The following ULK4 variants were observed in gnomAD, a reference collection of about 807,000 sequenced individuals.
The protein encoded by ULK4 is unc-51 like kinase 4, also known as inactive serine/threonine-protein kinase ULK4.
In ULK4, 133 loss-of-function variants were observed where a neutral mutation model predicts 160.6. The observed-to-expected ratio is 0.83, with a 90% confidence interval of 0.72 to 0.96. The LOEUF is 0.96. Among genes scored for constraint, ULK4 ranks in the 40% least tolerant of loss-of-function variants. The pLI is 0.00. For missense variants in ULK4, 1,580 were observed against 1,499.5 expected (o/e 1.05, Z -0.89); for synonymous variants, 534 against 539.8 (o/e 0.99, Z 0.15).
intron 22 of ULK4, among the ~76,000 whole-genome samples, chr3:41,726,347 C>T (rs946172803): frequency 1.3e-5 from 2 of 152,212 alleles, no homozygotes; most frequent in Admixed American, 1.3e-4. Flanking sequence ...CTCCCCATTA[C>T]AAGATGTGTT....
intron 30 of ULK4, among the ~76,000 whole-genome samples, chr3:41,640,413 T>C (rs1233712678): frequency 6.6e-6 from 1 of 152,090 alleles, no homozygotes; most frequent in African/African-American, 2.4e-5. Flanking sequence ...GGTATTTGAG[T>C]GCTACTGTTT....
At chr3:41,426,161 C>T (rs2082771400) in intron 34 of ULK4, among the ~76,000 whole-genome samples, 1 of 152,008 alleles carries the variant, frequency 6.6e-6, no homozygotes, top group South Asian at 2.1e-4. Flanking sequence ...TTTAAACCAA[C>T]AAAGATCAAA....
Position 41,345,395 on chromosome 3 carries a change from C to T in ULK4, c.3678+52684G>A, listed in dbSNP as rs2080778404. Reference sequence around the variant, plus strand: ...AACCTAAATACTCAACAATGATAGACTGGATAAAGAAAATGTGGTACATAT... The same window carrying T: ...AACCTAAATACTCAACAATGATAGATTGGATAAAGAAAATGTGGTACATAT... On this transcript the variant is annotated intron_variant, in intron 35 of 36. Transcript: ENST00000301831. 2.6e-5 allele frequency among the ~76,000 whole-genome samples: 4 copies of T among 152,150 alleles called. No individual in the cohort carries two copies. The South Asian group carries it at 8.3e-4, about 32-fold the overall frequency.
chr3:41,744,044 T>G (rs1559522321), intron 22 of ULK4, among the ~76,000 whole-genome samples: 1 of 151,910 alleles, frequency 6.6e-6, no homozygotes, highest in South Asian at 2.1e-4. Flanking sequence ...TGTATGTATA[T>G]TGCAACAACT....
In ULK4 at chr3:41,678,017, G is replaced by C. The variant is rs76580592; in HGVS notation, c.2978+3491C>G. 7.4e-3 allele frequency among the ~76,000 whole-genome samples: 1,130 copies of C among 152,260 alleles called. 10 individuals carry two copies. The highest frequency in any genetic ancestry group is 0.025 in the African/African-American group (1,023 of 41,562). On this transcript the variant is annotated intron_variant, in intron 29 of 36. Coordinates refer to ENST00000301831, the MANE Select transcript of ULK4 (RefSeq NM_017886.4). The stretch of plus-strand genomic sequence containing the variant: ...AGGTCTTTGCCTTTGAACTGGAACA[G>C]AAACACTGGCTCTTCTTCAGTCTCA...
At chr3:41,415,882 A>G (rs2082515577) in intron 34 of ULK4, among the ~76,000 whole-genome samples, 1 of 152,226 alleles carries the variant, frequency 6.6e-6, no homozygotes, top group African/African-American at 2.4e-5. Flanking sequence ...TGTGTCAGTG[A>G]AAAGACCCCA....
At chr3:41,455,662 G>A in intron 33 of ULK4, 67 bp from the exon 34 acceptor site, 12 of 1,468,136 alleles carry the variant, frequency 8.2e-6, no homozygotes, top group Non-Finnish European at 1.1e-5. Flanking sequence ...AAGGAAACAG[G>A]ACCACTCCAT....
At chr3:41,786,372 C>T (rs544245451) in intron 21 of ULK4, among the ~76,000 whole-genome samples, 4 of 152,094 alleles carry the variant, frequency 2.6e-5, no homozygotes, top group South Asian at 2.1e-4. Flanking sequence ...GAGGCTGCGA[C>T]GGGGGATCAC....
chr3:41,938,141 A>G lies in ULK4; in HGVS notation c.195T>C (p.Tyr65=), dbSNP rs748672884. The G allele has an allele frequency of 1.3e-5, 21 of 1,613,566 alleles. No individual in the cohort carries two copies. In the South Asian group the frequency reaches 1.9e-4, roughly 14 times the overall value. Residue 65 remains tyrosine (Y), a synonymous_variant, in exon 3 of 37, where the codon TAT becomes TAC. Transcript: ENST00000301831. ...CTAGCCAGAGGTGGTTGCTTGTTTC[A>G]TACCATTCATGAAAAGTTACAATAT... ...HKNIVTFHEW[Y]ETSNHLWLVV...
intron 35 of ULK4, among the ~76,000 whole-genome samples, chr3:41,288,838 C>A (rs1454072479): frequency 6.6e-6 from 1 of 152,180 alleles, no homozygotes; most frequent in Non-Finnish European, 1.5e-5. Flanking sequence ...AGGAAAAACC[C>A]TCCTTGAAGT....
intron 30 of ULK4, among the ~76,000 whole-genome samples, chr3:41,644,729 CCTCTTT>C (rs1390409791): frequency 1.3e-5 from 2 of 150,406 alleles, no homozygotes; most frequent in Admixed American, 1.3e-4. Flanking sequence ...GGGAGGATTC[CCTCTTT>C]TTCTATTGAT....
chr3:41,949,907 T>C (rs931440082), intron 2 of ULK4, among the ~76,000 whole-genome samples: 4 of 151,624 alleles, frequency 2.6e-5, no homozygotes, highest in African/African-American at 9.7e-5. Context: ...GGCTAATTTT[T>C]CTATTTTTTC....
At position 41,799,088 on chromosome 3, in the gene ULK4, T is replaced by C. The variant is rs541420626; in HGVS notation, c.2010+1044A>G. 5.9e-5 allele frequency among the ~76,000 whole-genome samples: 9 copies of C among 152,098 alleles called. No homozygotes were observed. In the South Asian group the frequency reaches 1.9e-3, roughly 32 times the overall value. ...GAAAGTCATGAGTGAGGATACGTGA[T>C]GAAAATGAGGGGTTGAGGGCATAAG... On this transcript the variant is annotated intron_variant, in intron 20 of 36. Coordinates refer to ENST00000301831, the MANE Select transcript of ULK4 (RefSeq NM_017886.4).
intron 31 of ULK4, among the ~76,000 whole-genome samples, chr3:41,609,601 C>T (rs1349003577): frequency 2.0e-5 from 3 of 152,166 alleles, no homozygotes; most frequent in Non-Finnish European, 2.9e-5. Context: ...GTAGATTTAT[C>T]GCCTGCATTC....
intron 35 of ULK4, among the ~76,000 whole-genome samples, chr3:41,296,563 G>T (rs2079672218): frequency 6.6e-6 from 1 of 152,172 alleles, no homozygotes; most frequent in African/African-American, 2.4e-5. Flanking sequence ...AGGCTGCCAT[G>T]GGTGGAAAAA....
intron 1 of ULK4, among the ~76,000 whole-genome samples, chr3:41,961,423 T>A (rs930999903): frequency 6.6e-6 from 1 of 152,062 alleles, no homozygotes; most frequent in Non-Finnish European, 1.5e-5. Context: ...GTCTGCGAAA[T>A]GCCAGCCAAA....
intron 27 of ULK4, among the ~76,000 whole-genome samples, chr3:41,697,670 T>C (rs181386554): frequency 3.3e-5 from 5 of 152,288 alleles, no homozygotes; most frequent in South Asian, 2.1e-4. Flanking sequence ...TTTGTAGGCA[T>C]AGAGTCTCGC....
intron 22 of ULK4, among the ~76,000 whole-genome samples, chr3:41,754,116 G>A (rs887184938): frequency 2.0e-5 from 3 of 152,114 alleles, no homozygotes; most frequent in African/African-American, 7.2e-5. Flanking sequence ...GGTGAGATTT[G>A]GGTGGGGACA....
At chr3:41,267,064 C>T (rs1203403109) in intron 35 of ULK4, among the ~76,000 whole-genome samples, 2 of 146,350 alleles carry the variant, frequency 1.4e-5, no homozygotes, top group African/African-American at 5.1e-5. Context: ...TTTTAAGTTC[C>T]AGGATACATG....
Sources: allele counts gnomAD v4.1 joint callset (sites outside exome capture counted in the v4.1 genomes callset), GRCh38; gene constraint gnomAD v4.1.1; transcripts MANE v1.5; gene names NCBI Gene and HGNC (gene_info 2026-07-23, HGNC 2026-07-21).